Variants in IGF2BP3 observed in about 807,000 individuals in gnomAD.
IGF2BP3 encodes the protein insulin like growth factor 2 mRNA binding protein 3.
In IGF2BP3, 9 loss-of-function variants were observed where a neutral mutation model predicts 73.8. The ratio of observed to expected loss-of-function variants is 0.12; its 90% CI spans 0.07 to 0.21. The LOEUF (loss-of-function observed/expected upper bound fraction) is 0.21. Ranked by LOEUF, IGF2BP3 falls within the 10% of genes least tolerant of loss-of-function variation. IGF2BP3 has a pLI of 1.00. For missense variants in IGF2BP3, 542 were observed against 714.0 expected, an observed-to-expected ratio of 0.76 and a Z score of 2.75; for synonymous variants, 258 against 256.7, an observed-to-expected ratio of 1.01 and a Z score of -0.05.
intron 2 of IGF2BP3, among the ~76,000 whole-genome samples, chr7:23,427,834 C>G (rs1349171388): frequency 6.6e-6 from 1 of 151,992 alleles, no homozygotes; most frequent in African/African-American, 2.4e-5. Context: ...GGTGAAATCC[C>G]ATCTCTACTA....
intron 2 of IGF2BP3, among the ~76,000 whole-genome samples, chr7:23,420,339 A>G (rs1282635229): frequency 6.6e-6 from 1 of 152,120 alleles, no homozygotes; most frequent in Non-Finnish European, 1.5e-5. Flanking sequence ...CTAGCTGGGC[A>G]TGGTGTTGCA....
At chr7:23,374,549 T>C (rs1166008145) in intron 3 of IGF2BP3, among the ~76,000 whole-genome samples, 1 of 151,856 alleles carries the variant, frequency 6.6e-6, no homozygotes, top group Non-Finnish European at 1.5e-5. Context: ...TGGTGGTGAG[T>C]GCCTGTACTC....
intron 8 of IGF2BP3, 66 bp downstream of exon 8, chr7:23,345,874 C>G (rs1784816571): frequency 6.4e-7 from 1 of 1,562,952 alleles, no homozygotes; most frequent in Non-Finnish European, 8.6e-7. Flanking sequence ...GAAGCTAAGC[C>G]CAATACACAA....
chr7:23,443,160 T>A (rs1403719646), intron 2 of IGF2BP3, among the ~76,000 whole-genome samples: 1 of 136,558 alleles, frequency 7.3e-6, no homozygotes, highest in Non-Finnish European at 1.5e-5. Context: ...TCACCCAGGC[T>A]GGTGACACCA....
chr7:23,443,415 G>A (rs1412297942), intron 2 of IGF2BP3, among the ~76,000 whole-genome samples: 5 of 152,034 alleles, frequency 3.3e-5, no homozygotes, highest in East Asian at 1.9e-4. Context: ...ATGAGCCACC[G>A]CGACTGGCCT....
At chr7:23,383,598 A>T (rs1236446499) in intron 3 of IGF2BP3, among the ~76,000 whole-genome samples, 1 of 152,184 alleles carries the variant, frequency 6.6e-6, no homozygotes, top group African/African-American at 2.4e-5. Context: ...TAAAACATAA[A>T]GTTACTATGT....
At chr7:23,438,081 A>G (rs373268340) in intron 2 of IGF2BP3, among the ~76,000 whole-genome samples, 1 of 152,232 alleles carries the variant, frequency 6.6e-6, no homozygotes, top group Non-Finnish European at 1.5e-5. Context: ...ATGAATCCCA[A>G]TCTCCTGGAG....
At chr7:23,405,929 C>A (rs748595811) in intron 3 of IGF2BP3, among the ~76,000 whole-genome samples, 1 of 152,100 alleles carries the variant, frequency 6.6e-6, no homozygotes, top group Non-Finnish European at 1.5e-5. Flanking sequence ...ATGCTGTGGA[C>A]AGGCTTACAC....
intron 3 of IGF2BP3, among the ~76,000 whole-genome samples, chr7:23,389,564 GA>G (rs1786203759): frequency 6.6e-6 from 1 of 150,838 alleles, no homozygotes; most frequent in Non-Finnish European, 1.5e-5. Flanking sequence ...TAAATTACAA[GA>G]CTACACAGAT....
At chr7:23,406,048 A>G (rs2128528179) in intron 3 of IGF2BP3, among the ~76,000 whole-genome samples, 1 of 150,986 alleles carries the variant, frequency 6.6e-6, no homozygotes, top group East Asian at 1.9e-4. Context: ...AATAAAAGCC[A>G]TGATCAAAAT....
At chr7:23,371,644 C>A (rs1326765780) in intron 3 of IGF2BP3, among the ~76,000 whole-genome samples, 1 of 152,166 alleles carries the variant, frequency 6.6e-6, no homozygotes, top group East Asian at 1.9e-4. Flanking sequence ...CACCACAGAC[C>A]AGACCATTAA....
At chr7:23,398,182 G>A (rs910274908) in intron 3 of IGF2BP3, among the ~76,000 whole-genome samples, 2 of 151,778 alleles carry the variant, frequency 1.3e-5, no homozygotes, top group East Asian at 1.9e-4. Context: ...TTGTCCTTGC[G>A]ATAGTTTGCT....
chr7:23,313,106 C>T (rs988848242), intron 13 of IGF2BP3, among the ~76,000 whole-genome samples: 1 of 152,198 alleles, frequency 6.6e-6, no homozygotes, highest in African/African-American at 2.4e-5. Context: ...TGTATGTACT[C>T]AATCACTTCA....
At chr7:23,342,781 G>A (rs1316692659) in intron 9 of IGF2BP3, among the ~76,000 whole-genome samples, 5 of 152,184 alleles carry the variant, frequency 3.3e-5, no homozygotes, top group African/African-American at 1.2e-4. Flanking sequence ...AATGTAGACG[G>A]TGGAAGGGAG....
At chr7:23,334,859 C>CA (rs1784532472) in intron 10 of IGF2BP3, among the ~76,000 whole-genome samples, 1 of 152,010 alleles carries the variant, frequency 6.6e-6, no homozygotes, top group Non-Finnish European at 1.5e-5. Flanking sequence ...TTGTGGGGGA[C>CA]AAAATCTAAG....
At chr7:23,349,123 G>C (rs969267909) in intron 6 of IGF2BP3, among the ~76,000 whole-genome samples, 3 of 152,020 alleles carry the variant, frequency 2.0e-5, no homozygotes, top group Non-Finnish European at 4.4e-5. Flanking sequence ...TATAAAATAA[G>C]CCTGCCATTT....
At chr7:23,322,496 T>TGCA (rs199519014) in intron 10 of IGF2BP3, among the ~76,000 whole-genome samples, 1,914 of 152,306 alleles carry the variant, frequency 0.013, 48 homozygotes, top group African/African-American at 0.043. Context: ...GAAAACACTC[T>TGCA]GCAGGATATT....
chr7:23,384,845 C>T (rs1180061684), intron 3 of IGF2BP3, among the ~76,000 whole-genome samples: 7 of 152,040 alleles, frequency 4.6e-5, no homozygotes, highest in South Asian at 2.1e-4. Context: ...GAGCCAGGAT[C>T]GTAACACTGT....
intron 2 of IGF2BP3, among the ~76,000 whole-genome samples, chr7:23,420,735 A>C (rs1158610588): frequency 6.6e-6 from 1 of 152,216 alleles, no homozygotes; most frequent in Non-Finnish European, 1.5e-5. Flanking sequence ...ACTCAGGTAC[A>C]TCCTGTCTAC....
Sources: gnomAD v4.1 joint callset for allele counts (sites outside exome capture counted in the v4.1 genomes callset) on GRCh38, gnomAD v4.1.1 for gene constraint, MANE v1.5 for transcripts, NCBI Gene and HGNC (gene_info 2026-07-23, HGNC 2026-07-21) for gene names.